ARID1B: variants seen among roughly 807,000 people sequenced by gnomAD.
The protein encoded by ARID1B is AT-rich interaction domain 1B.
A neutral mutation model predicts 212.3 loss-of-function variants in ARID1B; 30 were observed. The observed-to-expected ratio is 0.14, with a 90% CI of 0.11 to 0.19. The LOEUF (loss-of-function observed/expected upper bound fraction) is 0.19, where lower values mean the gene tolerates loss of function less well. Among genes scored for constraint, ARID1B ranks in the 10% least tolerant of loss-of-function variants. The pLI is 1.00. For missense variants in ARID1B, 2,891 were observed against 3,204.0 expected, an observed-to-expected ratio of 0.90 and a Z score of 2.36; for synonymous variants, 1,402 against 1,301.7, an observed-to-expected ratio of 1.08 and a Z score of -1.66.
chr6:157,124,116 C>T (rs943786562), intron 6 of ARID1B, among the ~76,000 whole-genome samples: 3 of 152,226 alleles, frequency 2.0e-5, no homozygotes, highest in Non-Finnish European at 4.4e-5. Flanking sequence ...CACAACAGTC[C>T]TTTCTTGGAC....
intron 1 of ARID1B, among the ~76,000 whole-genome samples, chr6:156,794,587 T>G (rs1337858875): frequency 6.8e-6 from 1 of 147,184 alleles, no homozygotes; most frequent in Non-Finnish European, 1.5e-5. Flanking sequence ...TTTTTTTTTT[T>G]TTTTTTTTTG....
chr6:156,886,355 G>C (rs1223761242), intron 2 of ARID1B, among the ~76,000 whole-genome samples: 2 of 152,110 alleles, frequency 1.3e-5, no homozygotes, highest in Admixed American at 6.5e-5. Context: ...ACCATGCCTG[G>C]CTAACAATTT....
At chr6:156,918,812 C>T (rs981265780) in intron 3 of ARID1B, among the ~76,000 whole-genome samples, 9 of 152,156 alleles carry the variant, frequency 5.9e-5, no homozygotes, top group African/African-American at 2.2e-4. Context: ...ACCAGCCTGC[C>T]TGCGCTCGCT....
intron 4 of ARID1B, chr6:157,023,029 T>G (rs1780427584): frequency 6.6e-6 from 1 of 152,256 alleles, no homozygotes; most frequent in Non-Finnish European, 1.5e-5. Context: ...TCTGTGTTTG[T>G]GATCTGTATA....
intron 4 of ARID1B, among the ~76,000 whole-genome samples, chr6:156,953,568 T>C (rs1378980553): frequency 6.6e-6 from 1 of 152,238 alleles, no homozygotes; most frequent in Non-Finnish European, 1.5e-5. Flanking sequence ...ACTCTCTCTG[T>C]CTCCTAGTAT....
intron 3 of ARID1B, among the ~76,000 whole-genome samples, chr6:156,930,952 A>G (rs553845289): frequency 2.0e-5 from 3 of 152,192 alleles, no homozygotes; most frequent in Non-Finnish European, 2.9e-5. Context: ...GCACTTTGGG[A>G]GGCCAAGGCG....
At chr6:156,978,185 T>C (rs979352610) in intron 4 of ARID1B, among the ~76,000 whole-genome samples, 5 of 152,216 alleles carry the variant, frequency 3.3e-5, no homozygotes, top group Admixed American at 1.3e-4. Flanking sequence ...CATCCTCTTA[T>C]TGACCTCTGA....
chr6:156,834,608 A>G (rs1783376342), intron 2 of ARID1B, among the ~76,000 whole-genome samples: 1 of 152,270 alleles, frequency 6.6e-6, no homozygotes, highest in Non-Finnish European at 1.5e-5. Flanking sequence ...CATTTTGGCC[A>G]GTAAAATAAT....
At chr6:156,834,196 A>G (rs1583127926) in intron 2 of ARID1B, among the ~76,000 whole-genome samples, 1 of 152,054 alleles carries the variant, frequency 6.6e-6, no homozygotes, top group African/African-American at 2.4e-5. Context: ...TCATCATGAA[A>G]TGTTTATTAT....
intron 7 of ARID1B, among the ~76,000 whole-genome samples, chr6:157,133,503 G>A (rs561248796): frequency 1.3e-5 from 2 of 152,284 alleles, no homozygotes; most frequent in East Asian, 1.9e-4. Context: ...GGTTCTAAAC[G>A]TAGAGAAAAA....
At chr6:156,786,813 C>T (rs1055921642) in intron 1 of ARID1B, among the ~76,000 whole-genome samples, 4 of 152,162 alleles carry the variant, frequency 2.6e-5, no homozygotes, top group African/African-American at 9.7e-5. Flanking sequence ...GTGTGCGGAT[C>T]ATGCAGAGAT....
chr6:156,779,043 C>T lies in ARID1B; in HGVS notation c.1363C>T (p.Arg455Trp), dbSNP rs1487267556. ...GGGGTACGGGGTGCTGAGCTCCCCC[C>T]GGCAGCAGGGCGGCGGCATGATGAT... ...SAGYGVLSSP[R>W]QQGGGMMMGP... The change falls in exon 1 of 20, where the codon CGG becomes TGG. Residue 455 changes from arginine to tryptophan, a missense_variant. This residue lies in a region of ARID1B where 1,643 missense variants were observed against 1,544.0 expected (regional missense o/e 1.06). Transcript: ENST00000636930. 2 of 1,226,846 alleles carry T rather than the reference C, an allele frequency of 1.6e-6. No homozygotes were observed. Among genetic ancestry groups the T allele is most frequent in the African/African-American group, 1.6e-5 (1 of 62,282 alleles). 76.0% of individuals were successfully genotyped at this position (1,226,846 alleles called of 1,614,324 possible). A position where few individuals can be genotyped will look rare whatever the true frequency, so the allele number is the denominator to read the frequency against.
intron 4 of ARID1B, 82 bp from the exon 5 acceptor site, chr6:157,084,580 G>A (rs967687460): frequency 1.2e-4 from 189 of 1,517,060 alleles, no homozygotes; most frequent in Middle Eastern, 5.3e-4. Flanking sequence ...TGAAGGGGAC[G>A]TCATTATGAT....
chr6:157,153,317 T>C (rs1790335772), intron 8 of ARID1B, among the ~76,000 whole-genome samples: 1 of 152,202 alleles, frequency 6.6e-6, no homozygotes, highest in African/African-American at 2.4e-5. Context: ...TGCAGTAATA[T>C]CCAGTCATTT....
chr6:157,092,193 T>A (rs985527118), intron 5 of ARID1B, among the ~76,000 whole-genome samples: 5 of 152,396 alleles, frequency 3.3e-5, no homozygotes, highest in Admixed American at 6.5e-5. Flanking sequence ...TATACAAAAC[T>A]ATTTCCATTC....
rs115408351 is a variant in ARID1B at position 156,902,894 on chromosome 6, A to G, written c.2136+1369A>G. ...TTCTTTTTAGATGAGCAAGGCTGGT[A>G]TCTGGAGTTTTGATAAAGTTATAAC... On this transcript the variant is annotated intron_variant, in intron 3 of 19. Coordinates refer to ENST00000636930, the MANE Select transcript of ARID1B (RefSeq NM_001374828.1). 4.5e-3 allele frequency among the ~76,000 whole-genome samples: 686 copies of G among 152,246 alleles called. 4 individuals are homozygous for G. The highest frequency in any genetic ancestry group is 0.015 in the African/African-American group (628 of 41,546).
intron 3 of ARID1B, among the ~76,000 whole-genome samples, chr6:156,926,053 G>A (rs1255874897): frequency 1.3e-5 from 2 of 152,228 alleles, no homozygotes; most frequent in African/African-American, 4.8e-5. Flanking sequence ...AAAGATTCAA[G>A]GTCCTTAGAA....
Position 157,206,570 on chromosome 6 carries a change from A to G in ARID1B, c.5798A>G (p.Gln1933Arg). The G allele has an allele frequency of 6.2e-7, 1 of 1,614,170 alleles. No homozygotes were observed. Residue 1933 changes from glutamine to arginine, a missense_variant, in exon 20 of 20, where the codon CAG becomes CGG. This residue lies in a region of ARID1B where 332 missense variants were observed against 369.2 expected (regional missense o/e 0.90). Transcript: ENST00000636930. This position sits in a 1 kb window ranked among gnomAD's most constrained non-coding sequence, Gnocchi z 6.8. ...CGATCTGACAAGTTGGGGCGTGTGC[A>G]GGAGTTCAATAGTGGCCTTCTGCAC... Reference protein sequence around the residue: ...VDRSDKLGRVQEFNSGLLHWQ... With the variant: ...VDRSDKLGRVREFNSGLLHWQ...
At chr6:157,097,851 A>G (rs1414782370) in intron 5 of ARID1B, among the ~76,000 whole-genome samples, 2 of 152,182 alleles carry the variant, frequency 1.3e-5, no homozygotes, top group African/African-American at 4.8e-5. Flanking sequence ...AATCGGATCC[A>G]TGCTGCTGCA....
Sources: allele counts gnomAD v4.1 joint callset (sites outside exome capture counted in the v4.1 genomes callset), GRCh38; gene constraint gnomAD v4.1.1; regional missense constraint gnomAD v4.1.1; non-coding constraint Gnocchi (gnomAD v3.1); transcripts MANE v1.5; gene names NCBI Gene and HGNC (gene_info 2026-07-23, HGNC 2026-07-21).